Variants in ADGRA3 observed in about 807,000 individuals in gnomAD.
ADGRA3 encodes adhesion G protein-coupled receptor A3.
A neutral mutation model predicts 119.8 loss-of-function variants in ADGRA3; 56 were observed. That is an observed-to-expected ratio of 0.47 (90% CI 0.38 to 0.58). The LOEUF (loss-of-function observed/expected upper bound fraction) is 0.58, where lower values mean the gene tolerates loss of function less well. Ranked by LOEUF, ADGRA3 falls within the 20% of genes least tolerant of loss-of-function variation. The pLI is 0.00. For synonymous variants in ADGRA3, 607 were observed against 623.8 expected (o/e 0.97, Z 0.40); for missense variants, 1,516 against 1,649.0 (o/e 0.92, Z 1.40).
At chr4:22,460,420 C>T (rs1717400741) in intron 3 of ADGRA3, among the ~76,000 whole-genome samples, 1 of 152,172 alleles carries the variant, frequency 6.6e-6, no homozygotes, top group Non-Finnish European at 1.5e-5. Flanking sequence ...CCCCTCTCCA[C>T]CAGAAAGGAC....
At chr4:22,413,086 AAAAAAC>A (rs1427059046) in intron 14 of ADGRA3, 90 bp downstream of exon 14, 23 of 948,072 alleles carry the variant, frequency 2.4e-5, no homozygotes, top group African/African-American at 6.8e-5. Flanking sequence ...AAAAAAAAAA[AAAAAAC>A]AAAAAACAAA....
At chr4:22,503,920 C>T (rs1719142098) in intron 1 of ADGRA3, among the ~76,000 whole-genome samples, 1 of 152,100 alleles carries the variant, frequency 6.6e-6, no homozygotes, top group Non-Finnish European at 1.5e-5. Flanking sequence ...GACATCTTAG[C>T]CTTCAAGAAC....
intron 1 of ADGRA3, among the ~76,000 whole-genome samples, chr4:22,512,203 C>A (rs567450185): frequency 2.6e-4 from 39 of 152,008 alleles, no homozygotes; most frequent in Non-Finnish European, 5.3e-4. Context: ...GCCCGCCCCA[C>A]AGTGATCTTT....
chr4:22,461,481 G>C (rs1577362547), intron 3 of ADGRA3, among the ~76,000 whole-genome samples: 1 of 152,072 alleles, frequency 6.6e-6, no homozygotes, highest in Non-Finnish European at 1.5e-5. Flanking sequence ...CGTATTTTTA[G>C]TAGAGACGGG....
Position 22,420,921 on chromosome 4 carries a change from T to C in ADGRA3, c.1774A>G (p.Asn592Asp). 2 of 1,614,118 alleles carry C rather than the reference T, an allele frequency of 1.2e-6. No individual in the cohort carries two copies. Among genetic ancestry groups the C allele is most frequent in the Non-Finnish European group, 1.7e-6 (2 of 1,179,988 alleles). ...NLDKQLSFKC[N>D]VSNTFSSLAL... ...AGACTCGAAAATGTATTTGAAACAT[T>C]GCACTTAAAGCTCAGCTGCTTATCC... Residue 592 changes from asparagine (N) to aspartate (D), a missense_variant, in exon 12 of 19, where the codon AAT (asparagine) becomes GAT (aspartate). Physicochemically the swap from Asn to Asp is conservative, Grantham distance 23. Coordinates refer to ENST00000334304, the MANE Select transcript of ADGRA3 (RefSeq NM_145290.4).
intron 4 of ADGRA3, among the ~76,000 whole-genome samples, chr4:22,452,838 G>C (rs1577357745): frequency 1.3e-5 from 2 of 152,160 alleles, no homozygotes; most frequent in African/African-American, 4.8e-5. Flanking sequence ...AGTCATAGCT[G>C]TCCAAAAACA....
chr4:22,399,629 C>A (rs1315682244), intron 16 of ADGRA3, among the ~76,000 whole-genome samples: 3 of 152,008 alleles, frequency 2.0e-5, no homozygotes, highest in Admixed American at 1.3e-4. Context: ...CTCTGTTGTA[C>A]ATCAAAGTTC....
At chr4:22,389,234 T>C (rs531913916) in intron 17 of ADGRA3, 51 bp from the exon 18 acceptor site, 17 of 1,182,518 alleles carry the variant, frequency 1.4e-5, no homozygotes, top group Middle Eastern at 1.9e-4. Context: ...TTTCTTAACA[T>C]GTATCTCTCA....
chr4:22,439,036 A>G (rs1351996203), intron 7 of ADGRA3, among the ~76,000 whole-genome samples: 1 of 152,194 alleles, frequency 6.6e-6, no homozygotes, highest in Non-Finnish European at 1.5e-5. Flanking sequence ...GGCAAGCCCA[A>G]AGGCAGAAAC....
intron 2 of ADGRA3, among the ~76,000 whole-genome samples, chr4:22,473,460 T>C (rs1013001252): frequency 1.3e-5 from 2 of 152,220 alleles, no homozygotes; most frequent in Non-Finnish European, 2.9e-5. Context: ...TCGATTCATT[T>C]ATCATTCCTA....
rs193015422 is a variant in ADGRA3 at position 22,445,464 on chromosome 4, G to A, written c.546-331C>T. Among the ~76,000 whole-genome samples the A allele has an allele frequency of 5.0e-3, 763 of 152,076 alleles. 10 individuals are homozygous for A. The highest frequency in any genetic ancestry group is 0.017 in the African/African-American group (708 of 41,498). ...CAAATCCCATTCCTTTTTGTCTATC[G>A]AACTTCTACCCATTTATCATGCAGT... On this transcript the variant is annotated intron_variant, in intron 5 of 18. Transcript: ENST00000334304.
chr4:22,417,027 T>C (rs1044017533), intron 12 of ADGRA3, among the ~76,000 whole-genome samples: 31 of 152,158 alleles, frequency 2.0e-4, no homozygotes, highest in African/African-American at 7.5e-4. Flanking sequence ...CAAAGAAACA[T>C]CTGATTCAAA....
intron 14 of ADGRA3, among the ~76,000 whole-genome samples, chr4:22,411,305 A>C (rs558850179): frequency 6.6e-6 from 1 of 152,236 alleles, no homozygotes; most frequent in Non-Finnish European, 1.5e-5. Flanking sequence ...TTAACGCTTC[A>C]TGCTTTAATT....
chr4:22,390,986 C>T (rs528037352), intron 17 of ADGRA3, among the ~76,000 whole-genome samples: 1 of 152,216 alleles, frequency 6.6e-6, no homozygotes, highest in African/African-American at 2.4e-5. Flanking sequence ...ACCCCTGCTG[C>T]TCCTTGTCAA....
chr4:22,459,396 A>G (rs945649360), intron 3 of ADGRA3, among the ~76,000 whole-genome samples: 1 of 152,108 alleles, frequency 6.6e-6, no homozygotes, highest in Non-Finnish European at 1.5e-5. Context: ...GTGATGAAAT[A>G]ATCTGTGTAA....
At position 22,461,786 on chromosome 4, in the gene ADGRA3, T is replaced by G; in HGVS notation, c.352A>C (p.Ser118Arg). 6.2e-7 allele frequency: 1 copy of G among 1,607,258 alleles called. No homozygotes were observed. The highest frequency in any genetic ancestry group is 8.5e-7 in the Non-Finnish European group (1 of 1,175,454). ...ERLDLRNNLI[S>R]SIDPGAFWGL... ...CAGAAGGCACCTGGATCTATACTAC[T>G]AATAAGATTGTTTCGGAGGTCCCTG... Residue 118 changes from serine (S) to arginine (R), a missense_variant, in exon 3 of 19, where the codon AGT becomes CGT. This residue lies in a region of ADGRA3 where 428 missense variants were observed against 541.9 expected (regional missense o/e 0.79). Transcript: ENST00000334304.
At chr4:22,473,515 C>A (rs1355007726) in intron 2 of ADGRA3, among the ~76,000 whole-genome samples, 1 of 152,200 alleles carries the variant, frequency 6.6e-6, no homozygotes, top group African/African-American at 2.4e-5. Context: ...TCTAAGGCTG[C>A]ATTCACACTT....
chr4:22,480,261 G>C (rs1373304953), intron 1 of ADGRA3, among the ~76,000 whole-genome samples: 5 of 152,198 alleles, frequency 3.3e-5, no homozygotes, highest in African/African-American at 1.2e-4. Context: ...GACAACCTTA[G>C]TCATGAGGGA....
At chr4:22,408,667 C>T (rs542481517) in intron 14 of ADGRA3, among the ~76,000 whole-genome samples, 1 of 152,274 alleles carries the variant, frequency 6.6e-6, no homozygotes, top group Admixed American at 6.5e-5. Context: ...TGTAGAGCAC[C>T]TGGAACTCTC....
Sources: gnomAD v4.1 joint callset for allele counts (sites outside exome capture counted in the v4.1 genomes callset) on GRCh38, gnomAD v4.1.1 for gene constraint, gnomAD v4.1.1 regional missense constraint, MANE v1.5 for transcripts, NCBI Gene and HGNC (gene_info 2026-07-23, HGNC 2026-07-21) for gene names.